Variants in NEBL observed in about 807,000 individuals in gnomAD.
NEBL encodes the protein nebulette, also known as LIM and SH3 protein 2.
NEBL carries 122 observed loss-of-function variants against 140.2 expected under a neutral mutation model. That is an observed-to-expected ratio of 0.87 (90% CI 0.75 to 1.01). The LOEUF (loss-of-function observed/expected upper bound fraction) is 1.01. Ranked by LOEUF, NEBL falls within the 50% of genes least tolerant of loss-of-function variation. The pLI, the probability that NEBL is intolerant of heterozygous loss-of-function variation, is 0.00. For synonymous variants in NEBL, 436 were observed against 398.9 expected, an observed-to-expected ratio of 1.09 and a Z score of -1.11; for missense variants, 1,365 against 1,231.3, an observed-to-expected ratio of 1.11 and a Z score of -1.62.
intron 2 of NEBL, among the ~76,000 whole-genome samples, chr10:21,076,914 G>C (rs1360695021): frequency 6.6e-6 from 1 of 152,152 alleles, no homozygotes; most frequent in Non-Finnish European, 1.5e-5. Flanking sequence ...AGGGGGAAAT[G>C]GGGGGTTAGT....
intron 3 of NEBL, among the ~76,000 whole-genome samples, chr10:20,970,794 T>C (rs1027167156): frequency 2.6e-5 from 4 of 152,204 alleles, no homozygotes; most frequent in Admixed American, 2.6e-4. Context: ...ATGGAGCTGA[T>C]GGAAGGCGGA....
At chr10:20,910,590 C>T (rs1032773364) in intron 4 of NEBL, among the ~76,000 whole-genome samples, 1 of 152,090 alleles carries the variant, frequency 6.6e-6, no homozygotes, top group South Asian at 2.1e-4. Context: ...ATTGGAAGGG[C>T]CACATTTGGG....
chr10:20,914,869 G>C (rs925440210), intron 4 of NEBL, among the ~76,000 whole-genome samples: 9 of 151,136 alleles, frequency 6.0e-5, no homozygotes, highest in African/African-American at 1.9e-4. Context: ...GTTTTGTTTT[G>C]TTTTTTGAGG....
At chr10:20,996,633 C>T (rs1727499410) in intron 3 of NEBL, among the ~76,000 whole-genome samples, 1 of 152,152 alleles carries the variant, frequency 6.6e-6, no homozygotes, top group Non-Finnish European at 1.5e-5. Flanking sequence ...TTCCAAAACC[C>T]TCACTCTTTC....
At chr10:21,144,887 T>A (rs896217122) in intron 2 of NEBL, among the ~76,000 whole-genome samples, 1 of 147,720 alleles carries the variant, frequency 6.8e-6, no homozygotes, top group African/African-American at 2.5e-5. Flanking sequence ...CTCCTCTCAA[T>A]GAAAAAGTAT....
intron 2 of NEBL, among the ~76,000 whole-genome samples, chr10:21,152,268 A>C (rs1241914555): frequency 1.3e-5 from 2 of 152,142 alleles, no homozygotes; most frequent in African/African-American, 2.4e-5. Context: ...ATCATCAACG[A>C]ATCTCATAGA....
chr10:21,113,388 A>T (rs1200723919), intron 2 of NEBL: 4 of 434,140 alleles, frequency 9.2e-6, no homozygotes, highest in Non-Finnish European at 1.7e-5. Context: ...ACACAGAAAA[A>T]GGTGGTTCTC....
chr10:21,040,669 A>C (rs1004975117), intron 2 of NEBL, among the ~76,000 whole-genome samples: 2 of 151,652 alleles, frequency 1.3e-5, no homozygotes, highest in Non-Finnish European at 2.9e-5. Flanking sequence ...TAGGAATCAC[A>C]TTTCTTTTTT....
Position 20,785,239 on chromosome 10 carries a change from C to A in NEBL, c.*508G>T, listed in dbSNP as rs968033239. On this transcript the variant is annotated 3_prime_UTR_variant, in exon 28 of 28. Coordinates refer to ENST00000377122, the MANE Select transcript of NEBL (RefSeq NM_006393.3). ...AGGCCACCAGTCAATATAATTTTAA[C>A]CAGACTGTCCTTCTGCCACTGTTTA... 6.0e-6 allele frequency: 1 copy of A among 167,238 alleles called. No homozygotes were observed. The highest frequency in any genetic ancestry group is 1.3e-5 in the Non-Finnish European group (1 of 76,876). 10.4% of individuals were successfully genotyped at this position (167,238 alleles called of 1,614,324 possible).
At chr10:20,899,339 T>C, upstream of NEBL, 1 of 1,203,192 alleles carries the variant, frequency 8.3e-7, no homozygotes. Context: ...ACAGTACTGG[T>C]GTTACTCAGG....
intron 2 of NEBL, among the ~76,000 whole-genome samples, chr10:21,116,205 A>T (rs1838278104): frequency 6.6e-6 from 1 of 152,088 alleles, no homozygotes; most frequent in African/African-American, 2.4e-5. Flanking sequence ...AATACCATAG[A>T]CTGGGTGGCT....
At chr10:20,976,118 T>C (rs2131647488) in intron 3 of NEBL, among the ~76,000 whole-genome samples, 1 of 151,976 alleles carries the variant, frequency 6.6e-6, no homozygotes, top group East Asian at 1.9e-4. Context: ...GCAAATCACT[T>C]GAGGTCAGGA....
chr10:20,864,873 C>T (rs1429186822), intron 7 of NEBL, among the ~76,000 whole-genome samples: 1 of 152,078 alleles, frequency 6.6e-6, no homozygotes, highest in Non-Finnish European at 1.5e-5. Context: ...CAGCTTTCCC[C>T]TTTTCTTGTG....
At chr10:21,271,773 G>A (rs756355828) in intron 1 of NEBL, among the ~76,000 whole-genome samples, 8 of 151,798 alleles carry the variant, frequency 5.3e-5, no homozygotes, top group East Asian at 1.9e-4. Flanking sequence ...TGATCCACCC[G>A]CGTCAGCCTC....
intron 4 of NEBL, among the ~76,000 whole-genome samples, chr10:20,883,600 C>T (rs1039217385): frequency 1.3e-5 from 2 of 152,132 alleles, no homozygotes; most frequent in Non-Finnish European, 2.9e-5. Flanking sequence ...ATGAGATTTG[C>T]TCCTTCTTCT....
chr10:20,927,680 T>A (rs1279300942), intron 4 of NEBL, among the ~76,000 whole-genome samples: 1 of 152,318 alleles, frequency 6.6e-6, no homozygotes, highest in South Asian at 2.1e-4. Flanking sequence ...AGTGCAAGAC[T>A]TCACAGAATG....
chr10:20,891,042 T>C (rs911163572), intron 2 of NEBL, among the ~76,000 whole-genome samples: 4 of 152,214 alleles, frequency 2.6e-5, no homozygotes, highest in African/African-American at 7.2e-5. Flanking sequence ...ATATACTACC[T>C]GGTTCTTAGA....
chr10:21,247,337 GAAAGA>G (rs1842530493), intron 3 of NEBL, among the ~76,000 whole-genome samples: 1 of 152,224 alleles, frequency 6.6e-6, no homozygotes, highest in Non-Finnish European at 1.5e-5. Flanking sequence ...TATGCTAAGT[GAAAGA>G]AGCAGTCTCA....
intron 3 of NEBL, among the ~76,000 whole-genome samples, chr10:20,982,077 C>T (rs754251727): frequency 6.6e-6 from 1 of 152,174 alleles, no homozygotes; most frequent in Non-Finnish European, 1.5e-5. Flanking sequence ...ATTTGCCAGG[C>T]TAAGACTTAA....
Sources: allele counts gnomAD v4.1 joint callset (sites outside exome capture counted in the v4.1 genomes callset), GRCh38; gene constraint gnomAD v4.1.1; transcripts MANE v1.5; gene names NCBI Gene and HGNC (gene_info 2026-07-23, HGNC 2026-07-21).